The following GABRA2 variants were observed in gnomAD, a reference collection of about 807,000 sequenced individuals.
The protein encoded by GABRA2 is gamma-aminobutyric acid type A receptor subunit alpha2.
Under a neutral mutation model 48.7 loss-of-function variants are expected in GABRA2, and 16 were observed. That is an observed-to-expected ratio of 0.33 (90% CI 0.22 to 0.50). The LOEUF is 0.50. Ranked by LOEUF, GABRA2 falls within the 20% of genes least tolerant of loss-of-function variation. GABRA2 has a pLI of 0.98. For missense variants in GABRA2, 275 were observed against 535.6 expected (o/e 0.51, Z 4.80); for synonymous variants, 185 against 184.5 (o/e 1.00, Z -0.02).
intron 6 of GABRA2, among the ~76,000 whole-genome samples, chr4:46,306,277 T>C (rs897301420): frequency 6.6e-5 from 10 of 152,182 alleles, no homozygotes; most frequent in Admixed American, 3.9e-4. Context: ...AAAATCATGC[T>C]CGTTTTTAAA....
At chr4:46,369,581 A>G (rs910679984) in intron 3 of GABRA2, among the ~76,000 whole-genome samples, 1 of 152,092 alleles carries the variant, frequency 6.6e-6, no homozygotes, top group Non-Finnish European at 1.5e-5. Context: ...CAGAATTATG[A>G]GTTTAGTTCC....
At chr4:46,292,395 T>A (rs765082385) in intron 8 of GABRA2, among the ~76,000 whole-genome samples, 6 of 152,166 alleles carry the variant, frequency 3.9e-5, no homozygotes, top group Non-Finnish European at 7.4e-5. Flanking sequence ...CCTCACCAGG[T>A]GTCTACTGTT....
intron 8 of GABRA2, among the ~76,000 whole-genome samples, chr4:46,291,025 T>G (rs1308093285): frequency 2.0e-5 from 3 of 152,144 alleles, no homozygotes; most frequent in Non-Finnish European, 4.4e-5. Context: ...ATATTCATAA[T>G]GGATATTAGT....
intron 3 of GABRA2, among the ~76,000 whole-genome samples, chr4:46,383,165 C>T (rs1716991960): frequency 6.6e-6 from 1 of 152,116 alleles, no homozygotes; most frequent in Admixed American, 6.5e-5. Context: ...CACTAAATGC[C>T]AGTCGCTATG....
At chr4:46,303,978 G>A (rs184182853) in intron 7 of GABRA2, among the ~76,000 whole-genome samples, 1 of 151,952 alleles carries the variant, frequency 6.6e-6, no homozygotes, top group Admixed American at 6.6e-5. Context: ...GCTCTAATGA[G>A]CATCTCCTTT....
chr4:46,312,589 A>C lies in GABRA2; in HGVS notation c.383T>G (p.Phe128Cys). The change falls in exon 5 of 10, where the codon TTT (phenylalanine) becomes TGT (cysteine). Residue 128 changes from phenylalanine to cysteine, a missense_variant. Phe to Cys is a radical substitution (Grantham distance 205). This residue lies in a region of GABRA2 where 113 missense variants were observed against 257.1 expected (regional missense o/e 0.44). Coordinates refer to ENST00000381620, the MANE Select transcript of GABRA2 (RefSeq NM_000807.4). ...ASKIWTPDTFFHNGKKSVAHN... is the reference protein window; with the variant it reads ...ASKIWTPDTFCHNGKKSVAHN... The stretch of plus-strand genomic sequence containing the variant: ...AGCTACTGATTTTTTCCCATTGTGA[A>C]AAAAGGTATCTGGAGTCCAGATTTT... 6.3e-7 allele frequency: 1 copy of C among 1,599,830 alleles called. No individual in the cohort carries two copies. Among genetic ancestry groups the C allele is most frequent in the Non-Finnish European group, 8.5e-7 (1 of 1,174,568 alleles).
intron 6 of GABRA2, among the ~76,000 whole-genome samples, chr4:46,307,879 C>A (rs1322769148): frequency 1.3e-5 from 2 of 152,042 alleles, no homozygotes; most frequent in Non-Finnish European, 2.9e-5. Flanking sequence ...CAGATTAAAG[C>A]CTCTCCCGAA....
intron 8 of GABRA2, among the ~76,000 whole-genome samples, chr4:46,263,960 A>C (rs1429542617): frequency 6.6e-6 from 1 of 150,688 alleles, no homozygotes; most frequent in African/African-American, 2.5e-5. Context: ...ATTTCTCTAT[A>C]ATAAACATTT....
At chr4:46,379,190 T>C (rs1216204872) in intron 3 of GABRA2, among the ~76,000 whole-genome samples, 1 of 152,324 alleles carries the variant, frequency 6.6e-6, no homozygotes. Flanking sequence ...CAAAAAGCTG[T>C]ACCTAACATT....
chr4:46,355,252 C>A (rs1008563168), intron 3 of GABRA2, among the ~76,000 whole-genome samples: 1 of 152,046 alleles, frequency 6.6e-6, no homozygotes, highest in Non-Finnish European at 1.5e-5. Flanking sequence ...TCACTTCTTG[C>A]GGTATAAACA....
chr4:46,297,552 A>C (rs1411612017), intron 8 of GABRA2, among the ~76,000 whole-genome samples: 1 of 139,066 alleles, frequency 7.2e-6, no homozygotes, highest in Non-Finnish European at 1.5e-5. Flanking sequence ...GAACCCTAAT[A>C]CGATTATCTA....
chr4:46,386,227 T>A, intron 2 of GABRA2, 38 bp from the exon 3 acceptor site: 1 of 1,261,004 alleles, frequency 7.9e-7, no homozygotes, highest in South Asian at 1.3e-5. Context: ...TATATACATA[T>A]GTGTGTTTTG....
At chr4:46,265,171 G>A (rs1407818451) in intron 8 of GABRA2, among the ~76,000 whole-genome samples, 1 of 149,452 alleles carries the variant, frequency 6.7e-6, no homozygotes, top group South Asian at 2.1e-4. Flanking sequence ...GAGTAGCTGG[G>A]ATTACAGGAG....
intron 9 of GABRA2, among the ~76,000 whole-genome samples, chr4:46,254,209 C>A (rs1715364667): frequency 6.6e-6 from 1 of 151,434 alleles, no homozygotes; most frequent in Admixed American, 6.6e-5. Flanking sequence ...ACTATAGAGA[C>A]CTCTTCGAAT....
At chr4:46,300,395 C>T (rs1278854041) in intron 8 of GABRA2, among the ~76,000 whole-genome samples, 1 of 151,832 alleles carries the variant, frequency 6.6e-6, no homozygotes, top group African/African-American at 2.4e-5. Context: ...ATTTTCTGGT[C>T]ATTCCAATTA....
Position 46,306,433 on chromosome 4 carries a change from A to T in GABRA2, c.560-722T>A, listed in dbSNP as rs141777277. Among the ~76,000 whole-genome samples, 402 of 152,284 alleles carry T rather than the reference A, an allele frequency of 2.6e-3. 3 individuals carry two copies. Among genetic ancestry groups the T allele is most frequent in the African/African-American group, 9.0e-3 (374 of 41,572 alleles). On this transcript the variant is annotated intron_variant, in intron 6 of 9. Transcript: ENST00000381620. The stretch of plus-strand genomic sequence containing the variant: ...AAGGATGCAGAAATTAGCAGAAGTA[A>T]GATGACTTCAGAGATGGCATGCAGG...
intron 2 of GABRA2, among the ~76,000 whole-genome samples, chr4:46,387,702 G>C (rs1297742482): frequency 6.6e-6 from 1 of 152,036 alleles, no homozygotes; most frequent in East Asian, 1.9e-4. Context: ...TGAAAGCAAG[G>C]CTTTATGAGA....
intron 3 of GABRA2, among the ~76,000 whole-genome samples, chr4:46,369,523 T>G (rs1714561779): frequency 1.4e-5 from 2 of 147,776 alleles, no homozygotes; most frequent in Admixed American, 1.4e-4. Context: ...ACAGATACCA[T>G]TAGCCATGCA....
At chr4:46,255,380 T>C (rs1032129155) in intron 9 of GABRA2, among the ~76,000 whole-genome samples, 1 of 151,652 alleles carries the variant, frequency 6.6e-6, no homozygotes, top group Non-Finnish European at 1.5e-5. Flanking sequence ...TATGTAAGTC[T>C]CCTGAATGTC....
Sources: gnomAD v4.1 joint callset for allele counts (sites outside exome capture counted in the v4.1 genomes callset) on GRCh38, gnomAD v4.1.1 for gene constraint, gnomAD v4.1.1 regional missense constraint, MANE v1.5 for transcripts, NCBI Gene and HGNC (gene_info 2026-07-23, HGNC 2026-07-21) for gene names.